Variants in FBXL13 observed in about 807,000 individuals in gnomAD.
FBXL13 encodes F-box and leucine-rich repeat protein 13.
In FBXL13, 67 loss-of-function variants were observed where a neutral mutation model predicts 83.6. That is an observed-to-expected ratio of 0.80 (90% CI 0.66 to 0.98). The LOEUF (loss-of-function observed/expected upper bound fraction) is 0.98, where lower values mean the gene tolerates loss of function less well. Ranked by LOEUF, FBXL13 falls within the 50% of genes least tolerant of loss-of-function variation. The probability of loss-of-function intolerance (pLI) is 0.00; values close to 1 mark genes in which losing one functional copy is unlikely to be tolerated. For synonymous variants in FBXL13, 272 were observed against 299.5 expected (o/e 0.91, Z 0.95); for missense variants, 822 against 866.5 (o/e 0.95, Z 0.64).
At chr7:102,839,997 C>A (rs1217684143) in intron 17 of FBXL13, among the ~76,000 whole-genome samples, 1 of 152,042 alleles carries the variant, frequency 6.6e-6, no homozygotes, top group Non-Finnish European at 1.5e-5. Context: ...CCTTTGGTTG[C>A]CAGTAAATCT....
chr7:102,825,732 G>A (rs1799513135), intron 18 of FBXL13, among the ~76,000 whole-genome samples: 1 of 152,184 alleles, frequency 6.6e-6, no homozygotes, highest in Admixed American at 6.5e-5. Flanking sequence ...GTGCAATTTG[G>A]TAGGTAATAA....
intron 13 of FBXL13, 41 bp from the exon 15 acceptor site, chr7:102,883,508 A>G (rs764160060): frequency 6.3e-7 from 1 of 1,594,344 alleles, no homozygotes; most frequent in South Asian, 1.1e-5. Context: ...TATTGTATTT[A>G]GAATGCCACA....
At chr7:102,950,112 A>T (rs1823180610) in intron 8 of FBXL13, among the ~76,000 whole-genome samples, 1 of 152,218 alleles carries the variant, frequency 6.6e-6, no homozygotes, top group African/African-American at 2.4e-5. Flanking sequence ...CTCAAAAAAA[A>T]ACAAAAACAA....
chr7:102,938,433 A>G (rs1165204578), intron 8 of FBXL13, among the ~76,000 whole-genome samples: 1 of 152,214 alleles, frequency 6.6e-6, no homozygotes, highest in Non-Finnish European at 1.5e-5. Context: ...GTTGCTGACA[A>G]CCAATATAGC....
At chr7:102,921,670 AT>A (rs777830828) in intron 10 of FBXL13, among the ~76,000 whole-genome samples, 1 of 152,258 alleles carries the variant, frequency 6.6e-6, no homozygotes, top group South Asian at 2.1e-4. Context: ...ACAGAGCAAG[AT>A]TCCATCTCAA....
intron 8 of FBXL13, among the ~76,000 whole-genome samples, chr7:102,956,174 G>C (rs1335623611): frequency 2.0e-5 from 3 of 152,092 alleles, no homozygotes; most frequent in Non-Finnish European, 4.4e-5. Flanking sequence ...ACATCAAAAA[G>C]CTTATCCACC....
chr7:102,861,247 G>T (rs529292509), intron 16 of FBXL13, among the ~76,000 whole-genome samples: 1 of 151,908 alleles, frequency 6.6e-6, no homozygotes, highest in African/African-American at 2.4e-5. Context: ...TTGTATCCAA[G>T]ACCCAATTTG....
intron 1 of FBXL13, among the ~76,000 whole-genome samples, chr7:103,061,667 C>T (rs893274298): frequency 1.3e-5 from 2 of 151,964 alleles, no homozygotes; most frequent in South Asian, 2.1e-4. Flanking sequence ...TGGCCCAGCA[C>T]GGTGGCTCAC....
chr7:102,879,461 G>GTGTGTA (rs1230230272), intron 14 of FBXL13, among the ~76,000 whole-genome samples: 1 of 151,776 alleles, frequency 6.6e-6, no homozygotes, highest in Non-Finnish European at 1.5e-5. Flanking sequence ...GTGTGTGTGT[G>GTGTGTA]TGTGTGTGTG....
chr7:102,851,105 G>A (rs1156413410), intron 17 of FBXL13, among the ~76,000 whole-genome samples: 2 of 152,108 alleles, frequency 1.3e-5, no homozygotes, highest in Non-Finnish European at 2.9e-5. Context: ...TCATTTAAGC[G>A]CTCTTGGCCT....
intron 8 of FBXL13, among the ~76,000 whole-genome samples, chr7:102,947,890 C>A (rs1169393645): frequency 1.3e-5 from 2 of 151,996 alleles, no homozygotes; most frequent in Non-Finnish European, 2.9e-5. Flanking sequence ...TTGGCTGTGA[C>A]CTAATGCCTA....
rs1238779046 is a variant in FBXL13 at position 102,913,189 on chromosome 7, C to T, written c.905G>A (p.Ser302Asn). 4 of 1,613,978 alleles carry T rather than the reference C, an allele frequency of 2.5e-6. No individual in the cohort carries two copies. In the Admixed American group the frequency reaches 5.0e-5, roughly 20 times the overall value. The change falls in exon 11 of 20, where the codon AGT (serine) becomes AAT (asparagine). Residue 302 changes from serine (S) to asparagine (N), a missense_variant. Ser to Asn is a conservative substitution (Grantham distance 46). Coordinates refer to ENST00000313221, the Ensembl canonical transcript of FBXL13. ...TGTGAACCGTCTGCAATAAGCCAAACTAAGATTCTGTAAGTTGTGGAAGTG... is the reference window on the plus strand; with the variant it reads ...TGTGAACCGTCTGCAATAAGCCAAATTAAGATTCTGTAAGTTGTGGAAGTG...
chr7:103,059,691 G>C (rs910217255), intron 1 of FBXL13, among the ~76,000 whole-genome samples: 1 of 152,032 alleles, frequency 6.6e-6, no homozygotes, highest in Non-Finnish European at 1.5e-5. Flanking sequence ...CCTACACTCA[G>C]TTCCCAATAT....
rs140052493 is a variant in FBXL13, at chr7:102,986,918, TAC to T, written c.496-18803_496-18802del. ...TAATGAGTAGATAAAGAAAATGTGA[TAC>T]ACACACACACACACACACACATATA... On this transcript the variant is annotated intron_variant, in intron 6 of 19. Coordinates refer to ENST00000313221, the Ensembl canonical transcript of FBXL13. Among the ~76,000 whole-genome samples the T allele has an allele frequency of 5.7e-3, 839 of 148,378 alleles. 8 individuals are homozygous for T. The highest frequency in any genetic ancestry group is 0.02 in the African/African-American group (792 of 40,420).
intron 11 of FBXL13, among the ~76,000 whole-genome samples, chr7:102,904,177 T>A (rs1584860293): frequency 6.6e-6 from 1 of 151,964 alleles, no homozygotes; most frequent in South Asian, 2.1e-4. Flanking sequence ...TCATTACTTA[T>A]TATTGGTCTG....
chr7:103,063,946 T>C (rs1297153492), intron 1 of FBXL13, among the ~76,000 whole-genome samples: 1 of 152,198 alleles, frequency 6.6e-6, no homozygotes, highest in Non-Finnish European at 1.5e-5. Context: ...ACGTACTCTA[T>C]TAGCTCCTAC....
At chr7:103,057,719 C>A (rs114150658) in intron 1 of FBXL13, among the ~76,000 whole-genome samples, 1 of 152,136 alleles carries the variant, frequency 6.6e-6, no homozygotes, top group Non-Finnish European at 1.5e-5. Flanking sequence ...GAGGTCCCCC[C>A]AAAAGAAGAA....
At chr7:102,910,988 T>C (rs1340143356) in intron 11 of FBXL13, among the ~76,000 whole-genome samples, 1 of 152,156 alleles carries the variant, frequency 6.6e-6, no homozygotes, top group Non-Finnish European at 1.5e-5. Flanking sequence ...CTTGAACTCC[T>C]GGCCTCAAGT....
At chr7:102,921,622 G>T (rs1180922131) in intron 10 of FBXL13, among the ~76,000 whole-genome samples, 2 of 152,076 alleles carry the variant, frequency 1.3e-5, no homozygotes, top group African/African-American at 4.8e-5. Context: ...GGAGGCTATG[G>T]TGAGCCGAGA....
Sources: allele counts gnomAD v4.1 joint callset (sites outside exome capture counted in the v4.1 genomes callset), GRCh38; gene constraint gnomAD v4.1.1; transcripts MANE v1.5; gene names NCBI Gene and HGNC (gene_info 2026-07-23, HGNC 2026-07-21).